The following PCDH7 variants were observed in gnomAD, a reference collection of about 807,000 sequenced individuals.
PCDH7 encodes the protein protocadherin-7.
Under a neutral mutation model 58.9 loss-of-function variants are expected in PCDH7, and 17 were observed. The observed-to-expected ratio is 0.29, with a 90% CI of 0.20 to 0.43. The LOEUF is 0.43. Among genes scored for constraint, PCDH7 ranks in the 20% least tolerant of loss-of-function variants. The pLI, the probability that PCDH7 is intolerant of heterozygous loss-of-function variation, is 1.00. For missense variants in PCDH7, 1,274 were observed against 1,441.0 expected (o/e 0.88, Z 1.88); for synonymous variants, 664 against 616.4 (o/e 1.08, Z -1.14).
chr4:31,084,984 C>T (rs534778960), intron 3 of PCDH7, among the ~76,000 whole-genome samples: 198 of 152,210 alleles, frequency 1.3e-3, no homozygotes, highest in Non-Finnish European at 2.1e-3. Context: ...TGCCCGCTGC[C>T]TAGACAGAGC....
intron 1 of PCDH7, among the ~76,000 whole-genome samples, chr4:30,811,694 G>A (rs886760743): frequency 5.3e-5 from 8 of 152,156 alleles, no homozygotes; most frequent in Admixed American, 5.2e-4. Context: ...GTTTTAGTAT[G>A]TAATATCTTT....
intron 1 of PCDH7, among the ~76,000 whole-genome samples, chr4:30,826,356 A>G (rs149341081): frequency 6.3e-4 from 96 of 152,308 alleles, no homozygotes; most frequent in African/African-American, 2.3e-3. Flanking sequence ...ACATTCAGAC[A>G]GCCTTGGAAC....
intron 3 of PCDH7, among the ~76,000 whole-genome samples, chr4:31,130,472 A>G (rs1418124445): frequency 6.6e-6 from 1 of 152,206 alleles, no homozygotes; most frequent in African/African-American, 2.4e-5. Flanking sequence ...GGTACAAAGC[A>G]CAAATGCAGC....
intron 1 of PCDH7, among the ~76,000 whole-genome samples, chr4:30,852,459 T>C (rs922694713): frequency 6.6e-6 from 1 of 152,054 alleles, no homozygotes; most frequent in Non-Finnish European, 1.5e-5. Context: ...AGCAATACTA[T>C]TTCATCTAAT....
intron 3 of PCDH7, among the ~76,000 whole-genome samples, chr4:30,956,039 A>C (rs1451227964): frequency 3.4e-5 from 4 of 118,374 alleles, no homozygotes; most frequent in South Asian, 3.1e-4. Flanking sequence ...AAAAACAAAC[A>C]AAAAAAAAAA....
intron 3 of PCDH7, among the ~76,000 whole-genome samples, chr4:30,972,334 A>AT (rs1399390942): frequency 1.3e-5 from 2 of 152,032 alleles, no homozygotes; most frequent in Non-Finnish European, 2.9e-5. Context: ...TAAAACTTTG[A>AT]TTTTTGTGTT....
chr4:30,781,853 T>C (rs1468049394), intron 1 of PCDH7, among the ~76,000 whole-genome samples: 1 of 152,148 alleles, frequency 6.6e-6, no homozygotes. Context: ...CCTTTTCTTA[T>C]GTAGCTAATC....
chr4:31,062,806 G>A (rs140527645), intron 3 of PCDH7, among the ~76,000 whole-genome samples: 9 of 151,816 alleles, frequency 5.9e-5, no homozygotes, highest in African/African-American at 1.2e-4. Context: ...GATATAAAGC[G>A]TAACTTTGAG....
At chr4:30,992,189 G>T (rs1457078084) in intron 3 of PCDH7, among the ~76,000 whole-genome samples, 1 of 152,178 alleles carries the variant, frequency 6.6e-6, no homozygotes, top group African/African-American at 2.4e-5. Flanking sequence ...TATAGTGTTT[G>T]TTAAGTAAAT....
intron 3 of PCDH7, among the ~76,000 whole-genome samples, chr4:30,951,480 A>T (rs1293539826): frequency 6.6e-6 from 1 of 152,116 alleles, no homozygotes; most frequent in Admixed American, 6.5e-5. Flanking sequence ...CCTTGAGCAC[A>T]CACTGCACTC....
chr4:30,880,549 A>G (rs761304212), intron 1 of PCDH7, among the ~76,000 whole-genome samples: 5 of 152,172 alleles, frequency 3.3e-5, no homozygotes, highest in African/African-American at 4.8e-5. Context: ...GCACTGAGGT[A>G]TCATCTACTT....
At chr4:30,925,682 A>T (rs562443606) in intron 2 of PCDH7, 1 of 152,284 alleles carries the variant, frequency 6.6e-6, no homozygotes, top group African/African-American at 2.4e-5. Flanking sequence ...CCTCCCAAGT[A>T]TCCCCCAAAA....
intron 3 of PCDH7, among the ~76,000 whole-genome samples, chr4:31,111,877 G>A (rs903385257): frequency 1.3e-5 from 2 of 152,168 alleles, no homozygotes; most frequent in African/African-American, 4.8e-5. Flanking sequence ...TCTGAAGATA[G>A]ACAAGAGTTC....
At chr4:30,945,287 G>T (rs1448099453) in intron 2 of PCDH7, among the ~76,000 whole-genome samples, 2 of 151,986 alleles carry the variant, frequency 1.3e-5, no homozygotes, top group Non-Finnish European at 2.9e-5. Context: ...AAATCCAATT[G>T]TAATATAATT....
intron 1 of PCDH7, among the ~76,000 whole-genome samples, chr4:30,825,394 T>G (rs1728967353): frequency 6.6e-6 from 1 of 152,168 alleles, no homozygotes; most frequent in Non-Finnish European, 1.5e-5. Context: ...TTTATCTTTT[T>G]TTGTTGTTTT....
chr4:30,746,008 T>C (rs1717733485), intron 1 of PCDH7, among the ~76,000 whole-genome samples: 1 of 151,950 alleles, frequency 6.6e-6, no homozygotes. Flanking sequence ...TCTGGCTAAT[T>C]TTTGTAGACG....
exon 1 of PCDH7, chr4:30,724,254 G>A: frequency 6.2e-7 from 1 of 1,613,444 alleles, no homozygotes; most frequent in Non-Finnish European, 8.5e-7. Flanking sequence ...AAAAATCTAA[G>A]CAGCCTCTCT....
At chr4:31,049,366 G>T (rs972717231) in intron 3 of PCDH7, among the ~76,000 whole-genome samples, 3 of 152,116 alleles carry the variant, frequency 2.0e-5, no homozygotes, top group Admixed American at 1.3e-4. Flanking sequence ...TTATTAGGGT[G>T]TGATTTACAA....
chr4:30,853,988 A>G (rs888828213), intron 1 of PCDH7, among the ~76,000 whole-genome samples: 2 of 152,060 alleles, frequency 1.3e-5, no homozygotes, highest in South Asian at 4.1e-4. Context: ...ATGAAATGTG[A>G]TGATAGTAAA....
Sources: allele counts gnomAD v4.1 joint callset (sites outside exome capture counted in the v4.1 genomes callset), GRCh38; gene constraint gnomAD v4.1.1; transcripts MANE v1.5; gene names NCBI Gene and HGNC (gene_info 2026-07-23, HGNC 2026-07-21).